Variants in RNF103 observed in about 807,000 individuals in gnomAD.
RNF103 encodes E3 ubiquitin-protein ligase RNF103.
In RNF103, 23 loss-of-function variants were observed where a neutral mutation model predicts 66.2. The observed-to-expected ratio is 0.35, with a 90% CI of 0.25 to 0.49. The LOEUF (loss-of-function observed/expected upper bound fraction) is 0.49. Ranked by LOEUF, RNF103 falls within the 20% of genes least tolerant of loss-of-function variation. The pLI is 0.98. For synonymous variants in RNF103, 297 were observed against 289.9 expected (o/e 1.02, Z -0.25); for missense variants, 730 against 814.7 (o/e 0.90, Z 1.27).
In RNF103 at chr2:86,610,961, A is replaced by G. The variant is rs374961777; in HGVS notation, c.482+1198T>C. On this transcript the variant is annotated intron_variant, in intron 3 of 3. Transcript: ENST00000237455. ...CAACAAAAGACATTGGGATGTGACT[A>G]AGATTCTGTGGTTACCAGCCTGGGC... Among the ~76,000 whole-genome samples the G allele has an allele frequency of 2.6e-5, 4 of 151,790 alleles. No homozygotes were observed. In the East Asian group the frequency reaches 5.8e-4, roughly 22 times the overall value.
rs775534981 is a variant in RNF103, at chr2:86,622,651, C to T, written c.226+10G>A. The T allele has an allele frequency of 1.9e-6, 3 of 1,613,708 alleles. No individual in the cohort carries two copies. The Admixed American group carries it at 5.0e-5, about 27-fold the overall frequency. ...GGTGGAGGGGACCCTAGGGGAAGCCCGATACTCGCCTGACTTTTCCACCAG... is the reference window on the plus strand; with the variant it reads ...GGTGGAGGGGACCCTAGGGGAAGCCTGATACTCGCCTGACTTTTCCACCAG... On this transcript the variant is annotated intron_variant, in intron 1 of 3. Coordinates refer to ENST00000237455, the MANE Select transcript of RNF103 (RefSeq NM_005667.4).
chr2:86,603,945 C>A lies in RNF103; in HGVS notation c.1956G>T (p.Leu652Phe). ...VFHQNCIVMW[L>F]AGGRHCCPVC... is the part of the protein sequence containing the mutation. ...CAGGGCAACAATGTCGGCCCCCAGC[C>A]AACCACATCACAATGCAATTCTGAT... Residue 652 changes from leucine (L) to phenylalanine (F), a missense_variant, in exon 4 of 4, where the codon TTG (leucine) becomes TTT (phenylalanine). Leu to Phe is a conservative substitution (Grantham distance 22). Transcript: ENST00000237455. 6.2e-7 allele frequency: 1 copy of A among 1,614,118 alleles called. No homozygotes were observed. Among genetic ancestry groups the A allele is most frequent in the Non-Finnish European group, 8.5e-7 (1 of 1,180,034 alleles).
intron 3 of RNF103, among the ~76,000 whole-genome samples, chr2:86,606,467 A>G (rs1008454218): frequency 4.6e-5 from 7 of 152,090 alleles, no homozygotes; most frequent in Non-Finnish European, 7.4e-5. Flanking sequence ...GATTGAGACC[A>G]TCCTGGCCAA....
intron 2 of RNF103, chr2:86,617,279 A>G: frequency 1.0e-6 from 1 of 985,462 alleles, no homozygotes. Flanking sequence ...TCATAGACTT[A>G]AAACAAATGA....
chr2:86,622,556 C>T, intron 1 of RNF103, 105 bp downstream of exon 1: 1 of 1,124,928 alleles, frequency 8.9e-7, no homozygotes. Flanking sequence ...GCAGCTTTAA[C>T]GCTTCCAGGA....
chr2:86,607,399 T>A (rs983095258), intron 3 of RNF103, among the ~76,000 whole-genome samples: 5 of 152,220 alleles, frequency 3.3e-5, no homozygotes, highest in African/African-American at 9.7e-5. Flanking sequence ...TGATATAGTT[T>A]AAGATAAATG....
intron 2 of RNF103, chr2:86,618,566 TGTTGTCTATA>T (rs1377055229): frequency 6.6e-6 from 1 of 152,298 alleles, no homozygotes. Flanking sequence ...AGAATGTATT[TGTTGTCTATA>T]GGCAGCAGCC....
chr2:86,614,914 T>C, intron 2 of RNF103: 1 of 985,390 alleles, frequency 1.0e-6, no homozygotes. Flanking sequence ...ACATTTCAGG[T>C]CTGTGTGCAG....
At chr2:86,618,777 T>C (rs1679115987) in intron 2 of RNF103, 1 of 152,158 alleles carries the variant, frequency 6.6e-6, no homozygotes, top group Non-Finnish European at 1.5e-5. Context: ...CCAGTGTCTT[T>C]CTCAATCAGA....
chr2:86,604,687 C>G lies in RNF103; in HGVS notation c.1214G>C (p.Trp405Ser). 1 of 1,614,160 alleles carries G rather than the reference C, an allele frequency of 6.2e-7. No individual in the cohort carries two copies. Among genetic ancestry groups the G allele is most frequent in the South Asian group, 1.1e-5 (1 of 91,080 alleles). The part of the protein sequence containing the change: ...RYSNTTTLAS[W>S]VRADWMFYSS... ...GTAAAACATCCAGTCTGCCCTTACC[C>G]ATGAAGCCAGTGTGGTTGTATTGGA... The change falls in exon 4 of 4, where the codon TGG becomes TCG. Residue 405 changes from tryptophan to serine, a missense_variant. Trp to Ser is a radical substitution (Grantham distance 177). Coordinates refer to ENST00000237455, the MANE Select transcript of RNF103 (RefSeq NM_005667.4).
intron 3 of RNF103, among the ~76,000 whole-genome samples, chr2:86,610,689 G>A (rs1678755186): frequency 6.6e-6 from 1 of 151,942 alleles, no homozygotes. Flanking sequence ...AAAATACATT[G>A]GGTATTTTAA....
At chr2:86,620,497 T>A (rs764424900) in intron 1 of RNF103, 28 bp from the exon 2 acceptor site, 3 of 1,522,676 alleles carry the variant, frequency 2.0e-6, no homozygotes, top group African/African-American at 1.4e-5. Context: ...ATAACACTAA[T>A]AAGGTTGCAA....
rs925467654 is a variant in RNF103, at chr2:86,623,126, G to A, written c.-240C>T. ...GCCTCGCGCCGGGCCTCCCAGTCAA[G>A]AGCCGACAAAAATAAAGGGGAAAAA... On this transcript the variant is annotated 5_prime_UTR_variant, in exon 1 of 4. Coordinates refer to ENST00000237455, the MANE Select transcript of RNF103 (RefSeq NM_005667.4). 5.8e-6 allele frequency: 7 copies of A among 1,213,972 alleles called. No individual in the cohort carries two copies. The highest frequency in any genetic ancestry group is 3.2e-5 in the African/African-American group (2 of 62,442). The allele number at this position is 1,213,972 out of a possible 1,614,324, so 75.2% of individuals were successfully genotyped here. A position where few individuals can be genotyped will look rare whatever the true frequency, so the allele number is the denominator to read the frequency against.
At chr2:86,621,955 C>T (rs1419527132) in intron 1 of RNF103, among the ~76,000 whole-genome samples, 5 of 152,200 alleles carry the variant, frequency 3.3e-5, no homozygotes, top group Admixed American at 6.5e-5. Flanking sequence ...ACGTATATTT[C>T]TCAACCCATT....
At chr2:86,620,074 T>C (rs1679168104) in intron 2 of RNF103, among the ~76,000 whole-genome samples, 1 of 152,308 alleles carries the variant, frequency 6.6e-6, no homozygotes, top group Non-Finnish European at 1.5e-5. Flanking sequence ...ATAACTAAAA[T>C]AGATTTGCTT....
Position 86,621,399 on chromosome 2 carries a change from G to C in RNF103, c.227-930C>G, listed in dbSNP as rs536752551. Among the ~76,000 whole-genome samples the C allele has an allele frequency of 2.0e-5, 3 of 152,274 alleles. No homozygotes were observed. The East Asian group carries it at 5.8e-4, about 29-fold the overall frequency. On this transcript the variant is annotated intron_variant, in intron 1 of 3. Coordinates refer to ENST00000237455, the MANE Select transcript of RNF103 (RefSeq NM_005667.4). ...CACTTCTCATCTCTAAACCAAGAGA[G>C]TTTATTTATTAGAGATCTTTTACCC... is the stretch of plus-strand genomic sequence containing the variant.
rs1321188681 is a variant in RNF103, at chr2:86,603,590, T to A, written c.*253A>T. On this transcript the variant is annotated 3_prime_UTR_variant, in exon 4 of 4. Transcript: ENST00000237455. ...TGCTAGGATAAATTTCTATAATACT[T>A]CTTTTGTGCTTACAAAAAAACATTA... is the stretch of plus-strand genomic sequence containing the variant. The A allele has an allele frequency of 6.2e-6, 3 of 483,556 alleles. No homozygotes were observed. The South Asian group carries it at 9.9e-5, about 16-fold the overall frequency. 30.0% of individuals were successfully genotyped at this position (483,556 alleles called of 1,614,324 possible).
At chr2:86,622,146 G>A (rs1216412424) in intron 1 of RNF103, among the ~76,000 whole-genome samples, 1 of 152,060 alleles carries the variant, frequency 6.6e-6, no homozygotes, top group East Asian at 1.9e-4. Flanking sequence ...AATACTGTAC[G>A]GTGTATACTG....
chr2:86,615,147 G>C, intron 2 of RNF103: 1 of 985,350 alleles, frequency 1.0e-6, no homozygotes, highest in Non-Finnish European at 1.2e-6. Flanking sequence ...AAAGAGTTGG[G>C]AACATACCTG....
Sources: allele counts gnomAD v4.1 joint callset (sites outside exome capture counted in the v4.1 genomes callset), GRCh38; gene constraint gnomAD v4.1.1; transcripts MANE v1.5; gene names NCBI Gene and HGNC (gene_info 2026-07-23, HGNC 2026-07-21).